The following MEGF10 variants were observed in gnomAD, a reference collection of about 807,000 sequenced individuals.
The protein encoded by MEGF10 is multiple epidermal growth factor-like domains protein 10.
A neutral mutation model predicts 147.5 loss-of-function variants in MEGF10; 86 were observed. That is an observed-to-expected ratio of 0.58 (90% confidence interval 0.49 to 0.70). The LOEUF is 0.70. MEGF10 is among the 30% of genes least tolerant of loss of function. The pLI is 0.00. For synonymous variants in MEGF10, 478 were observed against 525.5 expected (o/e 0.91, Z 1.24); for missense variants, 1,329 against 1,487.3 (o/e 0.89, Z 1.75).
the MEGF10 span, among the ~76,000 whole-genome samples, chr5:127,270,177 A>G: frequency 6.6e-6 from 1 of 152,186 alleles, no homozygotes; most frequent in Non-Finnish European, 1.5e-5. Context: ...GCATCAACTA[A>G]TGAGCAAAAT....
intron 16 of MEGF10, among the ~76,000 whole-genome samples, chr5:127,436,567 T>G (rs2127005927): frequency 6.6e-6 from 1 of 152,272 alleles, no homozygotes; most frequent in African/African-American, 2.4e-5. Context: ...TTGGGAAGAG[T>G]AAAAGGTCCA....
chr5:127,447,070 G>T (rs189130182), intron 20 of MEGF10, among the ~76,000 whole-genome samples: 336 of 152,314 alleles, frequency 2.2e-3, no homozygotes, highest in African/African-American at 7.7e-3. Flanking sequence ...AGTTAGGAAG[G>T]TAGAGGCCTG....
chr5:127,330,454 C>G (rs1464129105), intron 1 of MEGF10, among the ~76,000 whole-genome samples: 1 of 152,168 alleles, frequency 6.6e-6, no homozygotes, highest in Non-Finnish European at 1.5e-5. Flanking sequence ...ACCTGGCCCT[C>G]CCTTACATGT....
At chr5:127,340,330 G>C (rs1580734342) in intron 3 of MEGF10, among the ~76,000 whole-genome samples, 200 bp from the exon 4 acceptor site, 1 of 152,098 alleles carries the variant, frequency 6.6e-6, no homozygotes, top group African/African-American at 2.4e-5. Context: ...AAGTGAAAGA[G>C]GGAAATCATG....
At chr5:127,313,115 C>CT (rs1280563432) in intron 1 of MEGF10, among the ~76,000 whole-genome samples, 1 of 152,172 alleles carries the variant, frequency 6.6e-6, no homozygotes, top group Non-Finnish European at 1.5e-5. Context: ...AAAACTTTCT[C>CT]TTTAGCTCTT....
intron 5 of MEGF10, among the ~76,000 whole-genome samples, chr5:127,382,192 C>G (rs890946497): frequency 6.6e-6 from 1 of 152,012 alleles, no homozygotes. Context: ...GTGCCTATAG[C>G]CTGGAGAAAA....
At chr5:127,375,363 ACAGT>A (rs1222311919) in intron 5 of MEGF10, among the ~76,000 whole-genome samples, 1 of 152,296 alleles carries the variant, frequency 6.6e-6, no homozygotes, top group Non-Finnish European at 1.5e-5. Flanking sequence ...CCTGTGACAA[ACAGT>A]CAGTGTTCCT....
chr5:127,419,281 C>T (rs772078440), intron 11 of MEGF10, 41 bp downstream of exon 11: 85 of 1,597,494 alleles, frequency 5.3e-5, no homozygotes, highest in Non-Finnish European at 6.7e-5. Context: ...ATCCTGGTCA[C>T]GTTATCTCCT....
intron 5 of MEGF10, among the ~76,000 whole-genome samples, chr5:127,392,665 T>G (rs972885114): frequency 8.5e-5 from 13 of 152,206 alleles, no homozygotes; most frequent in African/African-American, 3.1e-4. Context: ...TGAATGAACT[T>G]CAGTACCCAG....
chr5:127,422,162 T>TATA (rs983298045), intron 12 of MEGF10, among the ~76,000 whole-genome samples: 3 of 152,182 alleles, frequency 2.0e-5, no homozygotes, highest in African/African-American at 7.2e-5. Flanking sequence ...TGAGTGACTT[T>TATA]AAAACACTGA....
chr5:127,321,231 A>G (rs910879870), intron 1 of MEGF10, among the ~76,000 whole-genome samples: 3 of 152,310 alleles, frequency 2.0e-5, no homozygotes, highest in African/African-American at 7.2e-5. Context: ...CCATAAAATG[A>G]AAGGATTTTG....
At chr5:127,420,273 T>C (rs1455632622) in intron 12 of MEGF10, 66 bp downstream of exon 12, 1 of 1,544,214 alleles carries the variant, frequency 6.5e-7, no homozygotes, top group Non-Finnish European at 8.8e-7. Flanking sequence ...AGTTGGCTTC[T>C]TTTTGCATTT....
intron 23 of MEGF10, 147 bp from the exon 24 acceptor site, chr5:127,455,254 C>A: frequency 1.3e-6 from 1 of 753,472 alleles, no homozygotes; most frequent in Non-Finnish European, 2.2e-6. Context: ...AGCAGATTCT[C>A]TCCAAAACAA....
Position 127,307,883 on chromosome 5 carries a change from C to T in MEGF10, c.-19+16827C>T, listed in dbSNP as rs367790674. Reference sequence around the variant, plus strand: ...TCGGTTCAGGAGTGTGGTGTGTAAACCCCGGTCCTCCTCCATGGGGTAATA... The same window carrying T: ...TCGGTTCAGGAGTGTGGTGTGTAAATCCCGGTCCTCCTCCATGGGGTAATA... On this transcript the variant is annotated intron_variant, in intron 1 of 24. Transcript: ENST00000503335. Among the ~76,000 whole-genome samples the T allele has an allele frequency of 6.6e-5, 10 of 152,306 alleles. 1 individual carries two copies. The highest frequency in any genetic ancestry group is 4.6e-4 in the Admixed American group (7 of 15,300).
chr5:127,393,936 C>T (rs1763806228), intron 5 of MEGF10, among the ~76,000 whole-genome samples: 1 of 151,210 alleles, frequency 6.6e-6, no homozygotes, highest in Non-Finnish European at 1.5e-5. Flanking sequence ...GAGGAAAAAT[C>T]AGTTCTGTCC....
rs118021184 is a variant in MEGF10, at chr5:127,391,871, T to A, written c.413-4661T>A. Among the ~76,000 whole-genome samples the A allele has an allele frequency of 8.9e-4, 136 of 152,238 alleles. 3 individuals are homozygous for A. The East Asian group carries it at 0.015, about 17-fold the overall frequency. ...GAACAAGGCAAGCAAATATAAAGAT[T>A]ATGAACTAGTTGCTGGGCACAGTGG... On this transcript the variant is annotated intron_variant, in intron 5 of 24. Coordinates refer to ENST00000503335, the MANE Select transcript of MEGF10 (RefSeq NM_001256545.2).
At chr5:127,398,616 A>C in intron 6 of MEGF10, 60 bp from the exon 7 acceptor site, 1 of 1,604,194 alleles carries the variant, frequency 6.2e-7, no homozygotes, top group Non-Finnish European at 8.5e-7. Flanking sequence ...GGGTACAGTG[A>C]ACCCGAGGGT....
chr5:127,413,549 A>T (rs187656270), intron 9 of MEGF10, among the ~76,000 whole-genome samples: 29 of 152,336 alleles, frequency 1.9e-4, no homozygotes, highest in Admixed American at 1.8e-3. Context: ...TTCCTGGAAT[A>T]TATGTATATA....
intron 5 of MEGF10, among the ~76,000 whole-genome samples, chr5:127,381,350 ATGTT>A (rs1208300210): frequency 6.6e-6 from 1 of 151,976 alleles, no homozygotes; most frequent in African/African-American, 2.4e-5. Context: ...GTTTAAAAGA[ATGTT>A]TGTACAGGGA....
Sources: gnomAD v4.1 joint callset for allele counts (sites outside exome capture counted in the v4.1 genomes callset) on GRCh38, gnomAD v4.1.1 for gene constraint, MANE v1.5 for transcripts, NCBI Gene and HGNC (gene_info 2026-07-23, HGNC 2026-07-21) for gene names.